Variants in SYNPO2 observed in about 807,000 individuals in gnomAD.
The protein encoded by SYNPO2 is synaptopodin-2.
In SYNPO2, 56 loss-of-function variants were observed where a neutral mutation model predicts 85.0. That is an observed-to-expected ratio of 0.66 (90% CI 0.53 to 0.82). The LOEUF (loss-of-function observed/expected upper bound fraction) is 0.82. Among genes scored for constraint, SYNPO2 ranks in the 40% least tolerant of loss-of-function variants. The pLI, the probability that SYNPO2 is intolerant of heterozygous loss-of-function variation, is 0.00. For synonymous variants in SYNPO2, 602 were observed against 591.1 expected (o/e 1.02, Z -0.27); for missense variants, 1,575 against 1,534.2 (o/e 1.03, Z -0.44).
chr4:118,976,062 C>T (rs1427913254), intron 1 of SYNPO2, among the ~76,000 whole-genome samples: 1 of 152,252 alleles, frequency 6.6e-6, no homozygotes, highest in Non-Finnish European at 1.5e-5. Flanking sequence ...ACTGGATTGA[C>T]TCTAGTGACT....
chr4:119,050,031 T>A (rs13113114), intron 4 of SYNPO2, among the ~76,000 whole-genome samples: 146,346 of 152,074 alleles, frequency 0.96, 70,630 homozygotes, highest in Non-Finnish European at 1. Context: ...ATCTTTTTTT[T>A]AAAAAAAAGA....
intron 1 of SYNPO2, among the ~76,000 whole-genome samples, chr4:118,860,104 C>T (rs1279031320): frequency 2.6e-5 from 4 of 152,126 alleles, no homozygotes; most frequent in Non-Finnish European, 2.9e-5. Context: ...TGGATAAAAG[C>T]CATTTTAACT....
chr4:118,986,648 G>T (rs1736232433), intron 1 of SYNPO2, among the ~76,000 whole-genome samples: 1 of 152,172 alleles, frequency 6.6e-6, no homozygotes, highest in Non-Finnish European at 1.5e-5. Flanking sequence ...CTATGATTTA[G>T]ACTACCCAGC....
intron 1 of SYNPO2, among the ~76,000 whole-genome samples, chr4:119,023,101 A>T (rs1241462588): frequency 6.6e-6 from 1 of 152,204 alleles, no homozygotes; most frequent in Non-Finnish European, 1.5e-5. Context: ...AATGCCATCA[A>T]TGTAAGCCTT....
In SYNPO2 at chr4:119,030,382, A is replaced by G. The variant is rs772274496; in HGVS notation, c.1607A>G (p.Tyr536Cys). The change falls in exon 4 of 5, where the codon TAC (tyrosine) becomes TGC (cysteine). Residue 536 changes from tyrosine (Y) to cysteine (C), a missense_variant. Transcript: ENST00000307142. ...GATGGCCTGAGAACCACGACTTCTT[A>G]CCAAAGAAAGGAGGAAGAGTCGGTA... is the stretch of plus-strand genomic sequence containing the variant. ...QTDGLRTTTS[Y>C]QRKEEESVRT... 8 of 1,614,088 alleles carry G rather than the reference A, an allele frequency of 5.0e-6. No individual in the cohort carries two copies. The highest frequency in any genetic ancestry group is 5.9e-6 in the Non-Finnish European group (7 of 1,180,050).
chr4:119,043,846 G>A (rs1431978789), intron 4 of SYNPO2: 1 of 146,562 alleles, frequency 6.8e-6, no homozygotes, highest in East Asian at 2.1e-4. Context: ...GGTGAGGCAG[G>A]AGAATTACTT....
At chr4:119,003,837 C>A (rs1159691264) in intron 1 of SYNPO2, among the ~76,000 whole-genome samples, 1 of 152,156 alleles carries the variant, frequency 6.6e-6, no homozygotes, top group East Asian at 1.9e-4. Context: ...ATCTTCCATT[C>A]TCCTCCTAGA....
At chr4:119,016,314 G>A (rs1171566942) in intron 1 of SYNPO2, among the ~76,000 whole-genome samples, 1 of 152,020 alleles carries the variant, frequency 6.6e-6, no homozygotes, top group African/African-American at 2.4e-5. Flanking sequence ...CTACTTGGGA[G>A]GCTGAGGCAG....
intron 1 of SYNPO2, among the ~76,000 whole-genome samples, chr4:118,917,179 G>A (rs942047700): frequency 5.9e-5 from 9 of 152,150 alleles, no homozygotes; most frequent in African/African-American, 1.7e-4. Context: ...ATCGCCTGAC[G>A]TCAGGAGTTT....
At chr4:118,934,292 G>A (rs76074853) in intron 1 of SYNPO2, among the ~76,000 whole-genome samples, 1 of 152,262 alleles carries the variant, frequency 6.6e-6, no homozygotes, top group African/African-American at 2.4e-5. Context: ...TACTAGTCTC[G>A]TGATGTGATC....
intron 1 of SYNPO2, among the ~76,000 whole-genome samples, chr4:118,997,239 C>CAAAAAAAAAAAAAAAAAA (rs1434428754): frequency 2.9e-4 from 19 of 65,198 alleles, no homozygotes; most frequent in South Asian, 1.3e-3. Flanking sequence ...GACTCCGTCT[C>CAAAAAAAAAAAAAAAAAA]AAAAAAAAAA....
At chr4:118,892,988 T>C (rs890014881) in intron 1 of SYNPO2, among the ~76,000 whole-genome samples, 5 of 152,174 alleles carry the variant, frequency 3.3e-5, no homozygotes. Flanking sequence ...TTTTAAAATG[T>C]TTCAAATAGA....
intron 1 of SYNPO2, among the ~76,000 whole-genome samples, chr4:118,970,454 A>G (rs1002118254): frequency 6.6e-6 from 1 of 152,204 alleles, no homozygotes. Context: ...ATATTCACTA[A>G]ATAAAACAAT....
intron 1 of SYNPO2, among the ~76,000 whole-genome samples, chr4:118,879,999 A>G (rs941583614): frequency 6.6e-5 from 10 of 152,010 alleles, no homozygotes; most frequent in Admixed American, 1.3e-4. Flanking sequence ...ATTTCTCTCA[A>G]CGGTGCTCCC....
At chr4:119,033,079 T>C in intron 4 of SYNPO2, 1 of 985,150 alleles carries the variant, frequency 1.0e-6, no homozygotes, top group Non-Finnish European at 1.2e-6. Flanking sequence ...CACATAAAGG[T>C]GTACATGGCT....
At chr4:118,915,900 G>A (rs1733301951) in intron 1 of SYNPO2, among the ~76,000 whole-genome samples, 3 of 151,738 alleles carry the variant, frequency 2.0e-5, no homozygotes, top group African/African-American at 7.3e-5. Flanking sequence ...ATATAAAATG[G>A]TACCTAATTG....
chr4:118,940,817 C>T (rs1277577571), intron 1 of SYNPO2, among the ~76,000 whole-genome samples: 1 of 152,096 alleles, frequency 6.6e-6, no homozygotes, highest in Non-Finnish European at 1.5e-5. Flanking sequence ...AATGCTTTTC[C>T]TCCCACCTCC....
At position 118,864,548 on chromosome 4, in the gene SYNPO2, C is replaced by T. The variant is rs577290829; in HGVS notation, c.12+13608C>T. The stretch of plus-strand genomic sequence containing the variant: ...TGCTGAAAGTAGGGTGTTGAAGTCT[C>T]CAGCTATTGTTGTATTTCGATCTGT... On this transcript the variant is annotated intron_variant, in intron 1 of 4. Coordinates refer to the SYNPO2 transcript ENST00000610556. Among the ~76,000 whole-genome samples, 3 of 152,266 alleles carry T rather than the reference C, an allele frequency of 2.0e-5. No individual in the cohort carries two copies. The East Asian group carries it at 5.8e-4, about 29-fold the overall frequency.
intron 1 of SYNPO2, among the ~76,000 whole-genome samples, chr4:118,921,053 C>T (rs1426815): frequency 0.83 from 126,698 of 151,994 alleles, 53,145 homozygotes; most frequent in Middle Eastern, 0.94. Context: ...TACAAGCGCG[C>T]ATCAACACGC....
Sources: gnomAD v4.1 joint callset for allele counts (sites outside exome capture counted in the v4.1 genomes callset) on GRCh38, gnomAD v4.1.1 for gene constraint, MANE v1.5 for transcripts, NCBI Gene and HGNC (gene_info 2026-07-23, HGNC 2026-07-21) for gene names.